The following RARB variants were observed in gnomAD, a reference collection of about 807,000 sequenced individuals.
RARB encodes the protein HBV-activated protein.
In RARB, 17 loss-of-function variants were observed where a neutral mutation model predicts 51.9. The ratio of observed to expected loss-of-function variants is 0.33; its 90% CI spans 0.22 to 0.49. The LOEUF (loss-of-function observed/expected upper bound fraction) is 0.49, where lower values mean the gene tolerates loss of function less well. Among genes scored for constraint, RARB ranks in the 20% least tolerant of loss-of-function variants. RARB has a pLI of 0.99. For synonymous variants in RARB, 215 were observed against 195.4 expected (o/e 1.10, Z -0.84); for missense variants, 369 against 550.8 (o/e 0.67, Z 3.30).
chr3:25,360,119 T>C (rs940535189), intron 5 of RARB, among the ~76,000 whole-genome samples: 1 of 152,194 alleles, frequency 6.6e-6, no homozygotes, highest in Non-Finnish European at 1.5e-5. Context: ...TAAGTCTCTT[T>C]GTAGGTCTCT....
intron 2 of RARB, among the ~76,000 whole-genome samples, chr3:25,488,470 G>C (rs1244886758): frequency 6.6e-6 from 1 of 152,152 alleles, no homozygotes; most frequent in Non-Finnish European, 1.5e-5. Flanking sequence ...AAATGAGAAG[G>C]GTAAATGACG....
At chr3:25,328,275 T>C (rs1266511869) in intron 5 of RARB, among the ~76,000 whole-genome samples, 1 of 152,216 alleles carries the variant, frequency 6.6e-6, no homozygotes, top group East Asian at 1.9e-4. Context: ...ATCCCAACAC[T>C]TTGAAAGACT....
At chr3:25,218,362 A>G (rs745334955) in intron 5 of RARB, among the ~76,000 whole-genome samples, 3 of 148,430 alleles carry the variant, frequency 2.0e-5, no homozygotes, top group Non-Finnish European at 3.0e-5. Context: ...GTTACTACCC[A>G]CCCCCCAACA....
intron 5 of RARB, among the ~76,000 whole-genome samples, chr3:25,234,360 T>C (rs1702254101): frequency 6.6e-6 from 1 of 152,194 alleles, no homozygotes; most frequent in South Asian, 2.1e-4. Flanking sequence ...TCTGTAGTGA[T>C]ATCCTCTCTT....
chr3:25,265,316 A>C (rs1391762860), intron 5 of RARB, among the ~76,000 whole-genome samples: 1 of 152,202 alleles, frequency 6.6e-6, no homozygotes, highest in Non-Finnish European at 1.5e-5. Flanking sequence ...TTTTCGGTAC[A>C]AGAATATTTG....
chr3:25,147,317 A>G (rs1343744274), intron 4 of RARB, among the ~76,000 whole-genome samples: 1 of 152,116 alleles, frequency 6.6e-6, no homozygotes, highest in Non-Finnish European at 1.5e-5. Context: ...CACCAAGGCT[A>G]GGAGACCCCT....
chr3:25,473,944 G>A (rs1485625798), intron 2 of RARB, among the ~76,000 whole-genome samples: 2 of 40,426 alleles, frequency 4.9e-5, no homozygotes, highest in Admixed American at 2.6e-4. Flanking sequence ...CCTTTATCTT[G>A]GCTGCAACTC....
At chr3:25,547,744 A>T (rs1480196640) in intron 3 of RARB, among the ~76,000 whole-genome samples, 1 of 152,192 alleles carries the variant, frequency 6.6e-6, no homozygotes, top group Admixed American at 6.5e-5. Flanking sequence ...GAGTAGATGG[A>T]TGGACGAATG....
At chr3:24,854,184 G>T (rs1702603170) in intron 1 of RARB, among the ~76,000 whole-genome samples, 1 of 152,144 alleles carries the variant, frequency 6.6e-6, no homozygotes, top group South Asian at 2.1e-4. Flanking sequence ...CAGATTGTTA[G>T]GCCTGCCAGG....
At chr3:25,100,689 G>A (rs975842507) in intron 3 of RARB, among the ~76,000 whole-genome samples, 1 of 152,144 alleles carries the variant, frequency 6.6e-6, no homozygotes, top group Non-Finnish European at 1.5e-5. Flanking sequence ...TGTAACACTA[G>A]GCAAGTGGGA....
At chr3:25,388,070 A>G (rs933237281) in intron 5 of RARB, among the ~76,000 whole-genome samples, 2 of 152,196 alleles carry the variant, frequency 1.3e-5, no homozygotes, top group African/African-American at 4.8e-5. Flanking sequence ...GAAATGCCAC[A>G]TTAACCTCTA....
At chr3:24,951,458 AGT>A (rs1255797430) in intron 2 of RARB, among the ~76,000 whole-genome samples, 1 of 152,186 alleles carries the variant, frequency 6.6e-6, no homozygotes, top group Non-Finnish European at 1.5e-5. Context: ...TAATCCTGAG[AGT>A]GATGTGCTTA....
chr3:24,980,312 G>T (rs893460732), intron 2 of RARB, among the ~76,000 whole-genome samples: 1 of 152,050 alleles, frequency 6.6e-6, no homozygotes, highest in Non-Finnish European at 1.5e-5. Flanking sequence ...TTTGAATGTT[G>T]TCCTGCCTTG....
At chr3:25,350,966 C>G (rs963230100) in intron 5 of RARB, among the ~76,000 whole-genome samples, 8 of 152,146 alleles carry the variant, frequency 5.3e-5, no homozygotes, top group Admixed American at 4.6e-4. Flanking sequence ...TGTAGAGCCT[C>G]CAGTTCCTTT....
chr3:25,112,996 G>A (rs912178704), intron 3 of RARB, among the ~76,000 whole-genome samples: 2 of 152,090 alleles, frequency 1.3e-5, no homozygotes, highest in African/African-American at 4.8e-5. Flanking sequence ...CTTGATATGA[G>A]ATATTCAGCA....
At chr3:25,279,093 A>G (rs920848457) in intron 5 of RARB, among the ~76,000 whole-genome samples, 7 of 152,184 alleles carry the variant, frequency 4.6e-5, no homozygotes, top group African/African-American at 9.6e-5. Flanking sequence ...TAACCCATCC[A>G]CACACATCGT....
At chr3:25,047,105 C>G (rs1349210947) in intron 2 of RARB, among the ~76,000 whole-genome samples, 2 of 152,128 alleles carry the variant, frequency 1.3e-5, no homozygotes, top group African/African-American at 2.4e-5. Context: ...AATTCTCTTC[C>G]ATTTGCAAAG....
At chr3:24,902,996 C>G in intron 2 of RARB, among the ~76,000 whole-genome samples, 1 of 151,988 alleles carries the variant, frequency 6.6e-6, no homozygotes, top group Non-Finnish European at 1.5e-5. Flanking sequence ...AAACAAGACG[C>G]CTCTAAGCTG....
At chr3:25,104,196 A>G (rs994752053) in intron 3 of RARB, among the ~76,000 whole-genome samples, 1 of 152,222 alleles carries the variant, frequency 6.6e-6, no homozygotes, top group African/African-American at 2.4e-5. Context: ...ACCTGCCTGA[A>G]TGGCTAAATT....
Sources: gnomAD v4.1 joint callset for allele counts (sites outside exome capture counted in the v4.1 genomes callset) on GRCh38, gnomAD v4.1.1 for gene constraint, MANE v1.5 for transcripts, NCBI Gene and HGNC (gene_info 2026-07-23, HGNC 2026-07-21) for gene names.